SHANK2: variants seen among roughly 807,000 people sequenced by gnomAD.
SHANK2 encodes the protein SH3 and multiple ankyrin repeat domains 2.
A neutral mutation model predicts 133.7 loss-of-function variants in SHANK2; 43 were observed. The ratio of observed to expected loss-of-function variants is 0.32; its 90% CI spans 0.25 to 0.41. SHANK2 has a LOEUF of 0.41. SHANK2 is among the 10% of genes least tolerant of loss of function. The pLI is 1.00. For synonymous variants in SHANK2, 1,017 were observed against 952.8 expected (o/e 1.07, Z -1.24); for missense variants, 1,994 against 2,235.8 (o/e 0.89, Z 2.18).
At chr11:71,244,994 G>A (rs901816803) in intron 1 of SHANK2, among the ~76,000 whole-genome samples, 1 of 148,512 alleles carries the variant, frequency 6.7e-6, no homozygotes, top group Non-Finnish European at 1.5e-5. Context: ...GTGAGCCACT[G>A]CACTATTTTT....
intron 7 of SHANK2, among the ~76,000 whole-genome samples, chr11:71,094,112 C>T (rs531810558): frequency 3.3e-5 from 5 of 152,162 alleles, no homozygotes; most frequent in African/African-American, 1.2e-4. Flanking sequence ...AATTGTAACC[C>T]CCAGTGCTGG....
intron 10 of SHANK2, among the ~76,000 whole-genome samples, chr11:70,939,459 C>T (rs1950615656): frequency 6.6e-6 from 1 of 152,138 alleles, no homozygotes; most frequent in Admixed American, 6.5e-5. Context: ...GCCTGGGCAA[C>T]AGAGTGAGAC....
At chr11:70,941,032 A>G (rs970130851) in intron 10 of SHANK2, among the ~76,000 whole-genome samples, 2 of 152,208 alleles carry the variant, frequency 1.3e-5, no homozygotes, top group Admixed American at 1.3e-4. Flanking sequence ...TTTGAATCCC[A>G]GGAGGCAGAG....
intron 15 of SHANK2, among the ~76,000 whole-genome samples, chr11:70,675,366 G>A (rs981541576): frequency 2.0e-5 from 3 of 152,184 alleles, no homozygotes; most frequent in Admixed American, 1.3e-4. Flanking sequence ...ACCGTATGAG[G>A]CAGGAGCTGT....
intron 17 of SHANK2, among the ~76,000 whole-genome samples, chr11:70,599,523 C>T (rs1375608889): frequency 1.6e-5 from 2 of 123,258 alleles, no homozygotes; most frequent in Non-Finnish European, 1.7e-5. Context: ...AGGAGAATGG[C>T]GTGAACCCCA....
intron 10 of SHANK2, among the ~76,000 whole-genome samples, chr11:70,929,994 G>A (rs1191535532): frequency 1.3e-5 from 2 of 152,160 alleles, no homozygotes; most frequent in African/African-American, 4.8e-5. Context: ...CAGCTTTGAG[G>A]ACCACACGGT....
intron 10 of SHANK2, among the ~76,000 whole-genome samples, chr11:70,931,987 T>TG (rs1487474588): frequency 6.6e-6 from 1 of 152,204 alleles, no homozygotes; most frequent in East Asian, 1.9e-4. Flanking sequence ...AGCCTCTACG[T>TG]GCAGTATTTA....
chr11:70,952,681 A>G (rs1950861621), intron 10 of SHANK2: 1 of 326,500 alleles, frequency 3.1e-6, no homozygotes, highest in African/African-American at 2.2e-5. Context: ...ATTTTCATGC[A>G]AAGGTGAGGC....
chr11:70,529,540 T>C (rs1171204503), intron 17 of SHANK2, among the ~76,000 whole-genome samples: 1 of 152,232 alleles, frequency 6.6e-6, no homozygotes, highest in African/African-American at 2.4e-5. Context: ...GATTCCAAGA[T>C]CTATACACCT....
intron 1 of SHANK2, among the ~76,000 whole-genome samples, chr11:71,250,202 A>G (rs1313280954): frequency 1.3e-5 from 2 of 152,176 alleles, no homozygotes; most frequent in African/African-American, 4.8e-5. Context: ...TATAGGTGAA[A>G]TCACCTACTT....
intron 10 of SHANK2, among the ~76,000 whole-genome samples, chr11:70,918,017 G>GTTTTTTGTTT (rs1950293221): frequency 6.7e-6 from 1 of 150,158 alleles, no homozygotes; most frequent in African/African-American, 2.5e-5. Flanking sequence ...GAACTTAAAA[G>GTTTTTTGTTT]TTTTTTTTTT....
intron 10 of SHANK2, among the ~76,000 whole-genome samples, chr11:70,908,748 G>A (rs1329046531): frequency 6.6e-6 from 1 of 152,240 alleles, no homozygotes; most frequent in Non-Finnish European, 1.5e-5. Context: ...GGGGTTGGCG[G>A]TGGGGGATCA....
chr11:71,140,368 C>T (rs1952531739), intron 3 of SHANK2, among the ~76,000 whole-genome samples: 1 of 152,238 alleles, frequency 6.6e-6, no homozygotes, highest in Non-Finnish European at 1.5e-5. Flanking sequence ...TCCAACAGGT[C>T]TCCAGTGACT....
At chr11:70,671,263 C>T (rs116789633) in intron 15 of SHANK2, among the ~76,000 whole-genome samples, 89 of 152,180 alleles carry the variant, frequency 5.8e-4, no homozygotes, top group African/African-American at 2.1e-3. Flanking sequence ...CCGAGACGAA[C>T]GGAAACGTCG....
At chr11:70,531,044 G>T (rs1277901783) in intron 17 of SHANK2, among the ~76,000 whole-genome samples, 1 of 151,390 alleles carries the variant, frequency 6.6e-6, no homozygotes, top group African/African-American at 2.4e-5. Flanking sequence ...CATTCGTCGG[G>T]CTTGGTGGCG....
At chr11:70,899,660 C>T (rs1949995816) in intron 10 of SHANK2, among the ~76,000 whole-genome samples, 2 of 152,218 alleles carry the variant, frequency 1.3e-5, no homozygotes, top group African/African-American at 2.4e-5. Flanking sequence ...TTTGGGAACT[C>T]GACTTAGGTG....
At chr11:70,502,167 A>G (rs782057632) in intron 19 of SHANK2, 39 bp downstream of exon 19, 79 of 1,546,320 alleles carry the variant, frequency 5.1e-5, no homozygotes, top group Non-Finnish European at 6.8e-5. Flanking sequence ...AGGGACCGGC[A>G]TGGTGACTGT....
chr11:70,866,502 C>G (rs368467599), intron 11 of SHANK2, among the ~76,000 whole-genome samples: 2 of 152,152 alleles, frequency 1.3e-5, no homozygotes, highest in African/African-American at 4.8e-5. Context: ...AGAAGGAGTC[C>G]AAGTGTTCTT....
At chr11:71,107,613 G>A (rs1555098188) in intron 6 of SHANK2, among the ~76,000 whole-genome samples, 1 of 152,142 alleles carries the variant, frequency 6.6e-6, no homozygotes, top group Non-Finnish European at 1.5e-5. Flanking sequence ...GCTCCACAAC[G>A]GCTCACAACA....
Sources: gnomAD v4.1 joint callset for allele counts (sites outside exome capture counted in the v4.1 genomes callset) on GRCh38, gnomAD v4.1.1 for gene constraint, MANE v1.5 for transcripts, NCBI Gene and HGNC (gene_info 2026-07-23, HGNC 2026-07-21) for gene names.